The following AUTS2 variants were observed in gnomAD, a reference collection of about 807,000 sequenced individuals.
The protein encoded by AUTS2 is autism susceptibility gene 2 protein.
AUTS2 carries 17 observed loss-of-function variants against 112.4 expected under a neutral mutation model. That is an observed-to-expected ratio of 0.15 (90% CI 0.10 to 0.23). The LOEUF (loss-of-function observed/expected upper bound fraction) is 0.23. AUTS2 is among the 10% of genes least tolerant of loss of function. AUTS2 has a pLI of 1.00. For missense variants in AUTS2, 1,510 were observed against 1,701.6 expected (o/e 0.89, Z 1.98); for synonymous variants, 751 against 702.7 (o/e 1.07, Z -1.09).
At chr7:70,427,125 G>A (rs1042894515) in intron 4 of AUTS2, among the ~76,000 whole-genome samples, 3 of 152,086 alleles carry the variant, frequency 2.0e-5, no homozygotes, top group Admixed American at 2.0e-4. Context: ...GTAACACTGT[G>A]GTCTCATAAT....
At chr7:70,300,596 C>T (rs1789168713) in intron 4 of AUTS2, among the ~76,000 whole-genome samples, 1 of 152,150 alleles carries the variant, frequency 6.6e-6, no homozygotes, top group South Asian at 2.1e-4. Context: ...TTGTAGAACA[C>T]ATCTTTTTGA....
chr7:69,974,951 A>AAAG (rs1315347938), intron 2 of AUTS2, among the ~76,000 whole-genome samples: 5 of 151,964 alleles, frequency 3.3e-5, no homozygotes, highest in African/African-American at 7.2e-5. Flanking sequence ...TGTCCTAGTG[A>AAAG]CTTAAGATCC....
At chr7:69,894,253 T>TTTTTTTTTTGTTG (rs1562954779) in intron 1 of AUTS2, among the ~76,000 whole-genome samples, 12 of 18,358 alleles carry the variant, frequency 6.5e-4, no homozygotes, top group African/African-American at 2.5e-3. Context: ...CCTTAAAGCG[T>TTTTTTTTTTGTTG]TTTTTTTTTT....
At chr7:70,133,225 G>A (rs1806369963) in intron 3 of AUTS2, among the ~76,000 whole-genome samples, 2 of 152,156 alleles carry the variant, frequency 1.3e-5, no homozygotes, top group Admixed American at 1.3e-4. Context: ...TACTGTTCTT[G>A]TTTGATGTAG....
At chr7:69,835,379 G>T (rs931341497) in intron 1 of AUTS2, among the ~76,000 whole-genome samples, 2 of 152,088 alleles carry the variant, frequency 1.3e-5, no homozygotes, top group Non-Finnish European at 2.9e-5. Flanking sequence ...ATCATAAATA[G>T]ATCTTAGAAC....
intron 4 of AUTS2, among the ~76,000 whole-genome samples, chr7:70,343,500 C>T (rs1791364001): frequency 6.6e-6 from 1 of 152,202 alleles, no homozygotes; most frequent in Non-Finnish European, 1.5e-5. Flanking sequence ...ATCTATCCCA[C>T]TGGATTGTAA....
intron 5 of AUTS2, among the ~76,000 whole-genome samples, chr7:70,444,373 T>TGTGTGTGAGAGA (rs372696006): frequency 4.9e-5 from 7 of 142,442 alleles, no homozygotes; most frequent in African/African-American, 1.1e-4. Context: ...TGTGTGTGTG[T>TGTGTGTGAGAGA]GAGAGAGAGA....
At chr7:70,674,817 G>T (rs1243741369) in intron 5 of AUTS2, among the ~76,000 whole-genome samples, 1 of 152,220 alleles carries the variant, frequency 6.6e-6, no homozygotes, top group African/African-American at 2.4e-5. Flanking sequence ...ATCCACAATG[G>T]ATTTCAGTGA....
chr7:70,604,322 C>A (rs1803621917), intron 5 of AUTS2, among the ~76,000 whole-genome samples: 1 of 152,194 alleles, frequency 6.6e-6, no homozygotes. Context: ...GTGCCCACAG[C>A]ATGCATGAGC....
chr7:70,262,507 T>G (rs1008697778), intron 4 of AUTS2, among the ~76,000 whole-genome samples: 14 of 152,240 alleles, frequency 9.2e-5, no homozygotes, highest in East Asian at 1.9e-4. Flanking sequence ...TCTCCTCATC[T>G]TAACCTTGTT....
intron 5 of AUTS2, among the ~76,000 whole-genome samples, chr7:70,513,160 C>T (rs1273952958): frequency 6.6e-6 from 1 of 152,172 alleles, no homozygotes; most frequent in Non-Finnish European, 1.5e-5. Flanking sequence ...GGGTTTTTGC[C>T]TTCATTTGAC....
intron 1 of AUTS2, among the ~76,000 whole-genome samples, chr7:69,758,037 C>T (rs1319768990): frequency 6.6e-6 from 1 of 152,216 alleles, no homozygotes; most frequent in Admixed American, 6.5e-5. Flanking sequence ...ACAGCATAGG[C>T]GATCTTTGAT....
chr7:70,187,320 A>G (rs1479562936), intron 4 of AUTS2, among the ~76,000 whole-genome samples: 1 of 152,204 alleles, frequency 6.6e-6, no homozygotes, highest in African/African-American at 2.4e-5. Context: ...TTGATCTGAG[A>G]TATTGATAGA....
At chr7:70,274,668 G>C (rs939741528) in intron 4 of AUTS2, among the ~76,000 whole-genome samples, 1 of 152,116 alleles carries the variant, frequency 6.6e-6, no homozygotes, top group Non-Finnish European at 1.5e-5. Flanking sequence ...TCAAGCTTAA[G>C]GTCTGTAATG....
At chr7:70,619,135 C>T (rs541634631) in intron 5 of AUTS2, among the ~76,000 whole-genome samples, 7 of 152,158 alleles carry the variant, frequency 4.6e-5, no homozygotes, top group Non-Finnish European at 1.0e-4. Flanking sequence ...CCTTCCCCCC[C>T]TCCCCATCCC....
At chr7:70,590,021 T>C (rs530841296) in intron 5 of AUTS2, among the ~76,000 whole-genome samples, 14 of 152,080 alleles carry the variant, frequency 9.2e-5, no homozygotes, top group Non-Finnish European at 1.3e-4. Flanking sequence ...GTGGCCACAA[T>C]GACTTAGGTA....
intron 5 of AUTS2, among the ~76,000 whole-genome samples, chr7:70,605,046 C>T (rs887695513): frequency 1.1e-4 from 16 of 152,274 alleles, no homozygotes; most frequent in Admixed American, 2.6e-4. Context: ...TGTTTTAGGG[C>T]GGTTCCATTA....
chr7:70,102,115 C>CA (rs1362055493), intron 2 of AUTS2, among the ~76,000 whole-genome samples: 1 of 127,190 alleles, frequency 7.9e-6, no homozygotes, highest in Admixed American at 8.3e-5. Flanking sequence ...GCAGTGTTTA[C>CA]TTTTTTTTTT....
intron 1 of AUTS2, among the ~76,000 whole-genome samples, chr7:69,705,411 A>G (rs542515648): frequency 6.6e-6 from 1 of 152,336 alleles, no homozygotes; most frequent in East Asian, 1.9e-4. Flanking sequence ...TATGGAATGA[A>G]TGCATGGATG....
Sources: allele counts gnomAD v4.1 joint callset (sites outside exome capture counted in the v4.1 genomes callset), GRCh38; gene constraint gnomAD v4.1.1; transcripts MANE v1.5; gene names NCBI Gene and HGNC (gene_info 2026-07-23, HGNC 2026-07-21).